Variants in MAF observed in about 807,000 individuals in gnomAD.
MAF encodes the protein transcription factor Maf.
MAF carries 10 observed loss-of-function variants against 22.0 expected under a neutral mutation model. The ratio of observed to expected loss-of-function variants is 0.45; its 90% confidence interval spans 0.28 to 0.77. The LOEUF is 0.77. MAF is among the 30% of genes least tolerant of loss of function. The probability of loss-of-function intolerance (pLI) is 0.12; values close to 1 mark genes in which losing one functional copy is unlikely to be tolerated. For synonymous variants in MAF, 337 were observed against 255.8 expected, an observed-to-expected ratio of 1.32 and a Z score of -3.03; for missense variants, 544 against 548.4, an observed-to-expected ratio of 0.99 and a Z score of 0.08.
the MAF span, among the ~76,000 whole-genome samples, chr16:79,517,568 CTTTT>C: frequency 1.8e-4 from 18 of 99,764 alleles, no homozygotes; most frequent in South Asian, 7.1e-4. Context: ...ACTGTTTAGT[CTTTT>C]TTTTTTTTTT....
At chr16:79,418,680 A>C in the MAF span, among the ~76,000 whole-genome samples, 4 of 152,208 alleles carry the variant, frequency 2.6e-5, no homozygotes, top group Admixed American at 1.3e-4. Context: ...TGCTGTTCAC[A>C]TATGGCAACA....
At chr16:79,273,827 G>A in the MAF span, among the ~76,000 whole-genome samples, 1 of 152,002 alleles carries the variant, frequency 6.6e-6, no homozygotes, top group Non-Finnish European at 1.5e-5. Context: ...CAATTCCCAT[G>A]TAATATAGCA....
the MAF span, among the ~76,000 whole-genome samples, chr16:79,541,142 G>C: frequency 2.0e-5 from 3 of 152,106 alleles, no homozygotes; most frequent in South Asian, 2.1e-4. Flanking sequence ...TAATCTAATA[G>C]TGCTATAATT....
the MAF span, among the ~76,000 whole-genome samples, chr16:79,210,792 G>C: frequency 6.6e-6 from 1 of 152,076 alleles, no homozygotes; most frequent in African/African-American, 2.4e-5. Context: ...TGGATGATAT[G>C]ATGCCTCATC....
chr16:79,341,784 G>C, the MAF span, among the ~76,000 whole-genome samples: 1 of 152,186 alleles, frequency 6.6e-6, no homozygotes, highest in Non-Finnish European at 1.5e-5. Flanking sequence ...CAGTCATAAA[G>C]CCAAGAGATG....
At chr16:79,494,839 G>A in the MAF span, among the ~76,000 whole-genome samples, 5 of 152,144 alleles carry the variant, frequency 3.3e-5, no homozygotes, top group Admixed American at 3.3e-4. Context: ...TGACAAACTG[G>A]CTATAAATTG....
chr16:79,361,755 T>TC, the MAF span, among the ~76,000 whole-genome samples: 3 of 151,934 alleles, frequency 2.0e-5, no homozygotes, highest in South Asian at 2.1e-4. Flanking sequence ...CGGTGCTGAA[T>TC]CCCCCACAAG....
At chr16:79,402,707 G>T in the MAF span, among the ~76,000 whole-genome samples, 1 of 152,228 alleles carries the variant, frequency 6.6e-6, no homozygotes, top group Non-Finnish European at 1.5e-5. Flanking sequence ...CAGGTTTCTG[G>T]AGCCCCCATG....
At chr16:79,286,072 T>C in the MAF span, among the ~76,000 whole-genome samples, 7 of 152,196 alleles carry the variant, frequency 4.6e-5, no homozygotes, top group African/African-American at 1.2e-4. Flanking sequence ...AATAAGTTTA[T>C]TGAGAGATCA....
At chr16:79,518,529 G>T in the MAF span, among the ~76,000 whole-genome samples, 1 of 152,334 alleles carries the variant, frequency 6.6e-6, no homozygotes, top group East Asian at 1.9e-4. Context: ...CAGCTGCTTT[G>T]GATGTGATCC....
the MAF span, among the ~76,000 whole-genome samples, chr16:79,569,553 C>T: frequency 8.8e-4 from 134 of 152,316 alleles, 6 homozygotes; most frequent in East Asian, 0.025. Context: ...TTCTCAGGCT[C>T]TACACTCAGA....
At chr16:79,492,204 C>A in the MAF span, among the ~76,000 whole-genome samples, 1 of 152,264 alleles carries the variant, frequency 6.6e-6, no homozygotes, top group Admixed American at 6.5e-5. Flanking sequence ...TCTCAGACCA[C>A]ACATGAAGAA....
chr16:79,517,732 G>C, the MAF span, among the ~76,000 whole-genome samples: 1 of 151,996 alleles, frequency 6.6e-6, no homozygotes, highest in African/African-American at 2.4e-5. Flanking sequence ...CCGCCATCAT[G>C]CCCGGCTAAT....
the MAF span, among the ~76,000 whole-genome samples, chr16:79,236,816 C>T: frequency 4.6e-5 from 7 of 151,770 alleles, no homozygotes; most frequent in African/African-American, 9.7e-5. Flanking sequence ...ACGCCATCTC[C>T]GATGACTCCA....
chr16:79,455,536 C>G, the MAF span, among the ~76,000 whole-genome samples: 2 of 152,228 alleles, frequency 1.3e-5, no homozygotes, highest in South Asian at 4.1e-4. Context: ...AGTCTTCCAG[C>G]CAACATACCT....
chr16:79,292,047 T>C, the MAF span, among the ~76,000 whole-genome samples: 18 of 151,976 alleles, frequency 1.2e-4, no homozygotes, highest in East Asian at 3.1e-3. Context: ...CTTAAAGGTA[T>C]ATATACCCTA....
the MAF span, among the ~76,000 whole-genome samples, chr16:79,445,038 T>C: frequency 6.6e-6 from 1 of 152,048 alleles, no homozygotes; most frequent in Non-Finnish European, 1.5e-5. Context: ...TTTATTTATT[T>C]ATTTATTTTT....
chr16:79,422,221 C>T, the MAF span, among the ~76,000 whole-genome samples: 4 of 152,122 alleles, frequency 2.6e-5, no homozygotes, highest in African/African-American at 4.8e-5. Context: ...CCTAACCACT[C>T]GTTCTAAGAA....
the MAF span, among the ~76,000 whole-genome samples, chr16:79,345,238 T>G: frequency 6.6e-6 from 1 of 152,188 alleles, no homozygotes. Context: ...ATAATGTGCT[T>G]CCTAAACTCT....
Sources: allele counts gnomAD v4.1 joint callset (sites outside exome capture counted in the v4.1 genomes callset), GRCh38; gene constraint gnomAD v4.1.1; transcripts MANE v1.5; gene names NCBI Gene and HGNC (gene_info 2026-07-23, HGNC 2026-07-21).